The following FUT8 variants were observed in gnomAD, a reference collection of about 807,000 sequenced individuals.
FUT8 encodes the protein fucosyltransferase 8.
Under a neutral mutation model 71.3 loss-of-function variants are expected in FUT8, and 29 were observed. The ratio of observed to expected loss-of-function variants is 0.41; its 90% CI spans 0.30 to 0.55. FUT8 has a LOEUF of 0.55. Ranked by LOEUF, FUT8 falls within the 20% of genes least tolerant of loss-of-function variation. The pLI is 0.34. For missense variants in FUT8, 544 were observed against 702.1 expected (o/e 0.77, Z 2.55); for synonymous variants, 254 against 239.3 (o/e 1.06, Z -0.57).
intron 3 of FUT8, among the ~76,000 whole-genome samples, chr14:65,611,278 CA>C (rs1566851456): frequency 1.3e-4 from 6 of 45,706 alleles, no homozygotes; most frequent in Admixed American, 2.5e-4. Flanking sequence ...CACACACACA[CA>C]CACACACACA....
intron 2 of FUT8, among the ~76,000 whole-genome samples, chr14:65,464,258 G>GTTTTTTTTTTTTTTTTTTTTTTTTT (rs1566763367): frequency 1.2e-5 from 1 of 80,968 alleles, no homozygotes; most frequent in African/African-American, 4.2e-5. Context: ...CAGTACTTTG[G>GTTTTTTTTTTTTTTTTTTTTTTTTT]GTTTTTTTTT....
intron 2 of FUT8, among the ~76,000 whole-genome samples, chr14:65,552,775 C>G (rs1446763513): frequency 6.6e-6 from 1 of 152,094 alleles, no homozygotes; most frequent in African/African-American, 2.4e-5. Context: ...TCCATTTTAT[C>G]TTCACCACTG....
intron 1 of FUT8, among the ~76,000 whole-genome samples, chr14:65,432,388 CT>C (rs750942309): frequency 7.7e-5 from 10 of 130,668 alleles, no homozygotes; most frequent in Non-Finnish European, 1.6e-4. Context: ...ATTTTTTCTA[CT>C]TTCCTTTTTT....
chr14:65,369,835 T>C, the FUT8 span, among the ~76,000 whole-genome samples: 2 of 152,310 alleles, frequency 1.3e-5, no homozygotes, highest in African/African-American at 4.8e-5. This position sits in a 1 kb window ranked among gnomAD's most constrained non-coding sequence, Gnocchi z 4.6. Context: ...ATAAGTATAC[T>C]CAGTTAAGCA....
chr14:65,520,605 T>C (rs1883016146), intron 2 of FUT8, among the ~76,000 whole-genome samples: 1 of 152,110 alleles, frequency 6.6e-6, no homozygotes, highest in African/African-American at 2.4e-5. Flanking sequence ...TTAGAAATGT[T>C]ATAGCAACCT....
chr14:65,586,946 T>G lies in FUT8; in HGVS notation c.203+25180T>G, dbSNP rs532541898. ...GCTCACGCCTGTAATCCCAGCACTT[T>G]GGGAGGCCGAGGCGGGTGGATCACG... On this transcript the variant is annotated intron_variant, in intron 3 of 10. Coordinates refer to ENST00000673929, the MANE Select transcript of FUT8 (RefSeq NM_001371533.1). 2.8e-3 allele frequency among the ~76,000 whole-genome samples: 433 copies of G among 152,312 alleles called. 3 individuals carry two copies. Among genetic ancestry groups the G allele is most frequent in the African/African-American group, 7.1e-3 (295 of 41,574 alleles).
At chr14:65,686,477 G>A (rs764615759) in intron 7 of FUT8, among the ~76,000 whole-genome samples, 1 of 152,170 alleles carries the variant, frequency 6.6e-6, no homozygotes, top group Non-Finnish European at 1.5e-5. Context: ...AGCTACTTAG[G>A]TAGGTTAATA....
chr14:65,539,185 G>A (rs928582903), intron 2 of FUT8, among the ~76,000 whole-genome samples: 4 of 152,198 alleles, frequency 2.6e-5, no homozygotes, highest in Admixed American at 6.5e-5. Flanking sequence ...GGGTCTACCT[G>A]TAGTGTTACC....
At chr14:65,534,576 C>A in intron 2 of FUT8, among the ~76,000 whole-genome samples, 1 of 127,244 alleles carries the variant, frequency 7.9e-6, no homozygotes. Context: ...GGTTGGTAGG[C>A]TATTTATTAC....
At chr14:65,670,367 G>A (rs1892416962) in intron 7 of FUT8, among the ~76,000 whole-genome samples, 2 of 152,112 alleles carry the variant, frequency 1.3e-5, no homozygotes, top group South Asian at 2.1e-4. Flanking sequence ...TGAATTGTTG[G>A]TAGATTAAAT....
chr14:65,511,918 A>C (rs1451397272), intron 2 of FUT8, among the ~76,000 whole-genome samples: 1 of 152,044 alleles, frequency 6.6e-6, no homozygotes, highest in East Asian at 1.9e-4. Context: ...ACAAACAAGG[A>C]CTTATTCCTG....
chr14:65,552,901 C>G (rs1163893420), intron 2 of FUT8, among the ~76,000 whole-genome samples: 1 of 152,204 alleles, frequency 6.6e-6, no homozygotes, highest in Non-Finnish European at 1.5e-5. Context: ...ATGGTAACCA[C>G]TAGACACAGG....
rs1257657603 is a variant in FUT8 at position 65,638,364 on chromosome 14, G to C, written c.597+8758G>C. Among the ~76,000 whole-genome samples, 1 of 151,918 alleles carries C rather than the reference G, an allele frequency of 6.6e-6. No homozygotes were observed. Among genetic ancestry groups the C allele is most frequent in the Non-Finnish European group, 1.5e-5 (1 of 67,990 alleles). ...TCCGGCCAGAAAGATTTTTTGGTTT[G>C]CCCCCGTGTTTTGCTTGCTTTGGTT... On this transcript the variant is annotated intron_variant, in intron 6 of 10. Coordinates refer to ENST00000673929, the MANE Select transcript of FUT8 (RefSeq NM_001371533.1). This position sits in a 1 kb window ranked among gnomAD's most constrained non-coding sequence, Gnocchi z 4.5.
chr14:65,710,426 A>C (rs1174731180), intron 7 of FUT8, among the ~76,000 whole-genome samples: 1 of 152,016 alleles, frequency 6.6e-6, no homozygotes, highest in Non-Finnish European at 1.5e-5. Flanking sequence ...GGGCTTTCTA[A>C]CATAGCATGT....
At chr14:65,591,563 T>C (rs972018243) in intron 3 of FUT8, among the ~76,000 whole-genome samples, 1 of 152,164 alleles carries the variant, frequency 6.6e-6, no homozygotes, top group Admixed American at 6.5e-5. Flanking sequence ...AGCTTGATAC[T>C]GTTGGATGAA....
chr14:65,515,935 TTTTAA>T (rs1451982655), intron 2 of FUT8, among the ~76,000 whole-genome samples: 9 of 152,200 alleles, frequency 5.9e-5, no homozygotes, highest in African/African-American at 2.2e-4. Context: ...TAAATATAAA[TTTTAA>T]TTTATTTTAT....
intron 1 of FUT8, among the ~76,000 whole-genome samples, chr14:65,438,053 T>C (rs2065587513): frequency 2.0e-5 from 3 of 152,220 alleles, no homozygotes; most frequent in South Asian, 4.1e-4. Context: ...TTACTTCTCA[T>C]ATGGGCTTTT....
intron 2 of FUT8, among the ~76,000 whole-genome samples, chr14:65,544,335 A>T (rs549280374): frequency 6.6e-6 from 1 of 152,160 alleles, no homozygotes; most frequent in African/African-American, 2.4e-5. Flanking sequence ...AGTTTCTACG[A>T]TTATGACTCC....
intron 1 of FUT8, among the ~76,000 whole-genome samples, chr14:65,423,882 G>T (rs1466439114): frequency 1.3e-5 from 2 of 152,274 alleles, no homozygotes; most frequent in African/African-American, 4.8e-5. Flanking sequence ...CACAATTTTT[G>T]CATCTGCTGG....
Sources: gnomAD v4.1 joint callset for allele counts (sites outside exome capture counted in the v4.1 genomes callset) on GRCh38, gnomAD v4.1.1 for gene constraint, Gnocchi (gnomAD v3.1) non-coding constraint, MANE v1.5 for transcripts, NCBI Gene and HGNC (gene_info 2026-07-23, HGNC 2026-07-21) for gene names.